IFIT1B: variants seen among roughly 807,000 people sequenced by gnomAD.
IFIT1B encodes protein IFIT1 homolog B.
Under a neutral mutation model 2.5 loss-of-function variants are expected in IFIT1B, and 3 were observed. That is an observed-to-expected ratio of 1.21 (90% confidence interval 0.55 to 3.14). IFIT1B has a LOEUF of 3.14. IFIT1B is among the 30% of genes most tolerant of loss of function. The probability of loss-of-function intolerance (pLI) is 0.03; values close to 1 mark genes in which losing one functional copy is unlikely to be tolerated. For missense variants in IFIT1B, 545 were observed against 556.5 expected (o/e 0.98, Z 0.21); for synonymous variants, 196 against 203.0 (o/e 0.97, Z 0.29).
rs917801790 is a variant in IFIT1B, at chr10:89,384,967, T to C, written c.*229T>C. ...GACATAAGACCCCCTGAAAGTATCA[T>C]CCCTCCTGATGGAATGGTAAAGCAA... On this transcript the variant is annotated 3_prime_UTR_variant, in exon 2 of 2. Coordinates refer to ENST00000371809, the MANE Select transcript of IFIT1B (RefSeq NM_001010987.2). 2.2e-5 allele frequency: 11 copies of C among 498,552 alleles called. No homozygotes were observed. Among genetic ancestry groups the C allele is most frequent in the Non-Finnish European group, 3.6e-5 (10 of 281,450 alleles). 30.9% of individuals were successfully genotyped at this position (498,552 alleles called of 1,614,324 possible). A position where few individuals can be genotyped will look rare whatever the true frequency, so the allele number is the denominator to read the frequency against.
intron 1 of IFIT1B, among the ~76,000 whole-genome samples, chr10:89,381,140 T>G (rs1193437491): frequency 1.3e-5 from 2 of 152,176 alleles, no homozygotes; most frequent in African/African-American, 2.4e-5. Flanking sequence ...ATGCTGAGAT[T>G]GGGTACATAT....
In IFIT1B at chr10:89,383,856, C is replaced by G. The variant is rs746271112; in HGVS notation, c.543C>G (p.Tyr181Ter). 4 of 1,614,052 alleles carry G rather than the reference C, an allele frequency of 2.5e-6. No homozygotes were observed. The highest frequency in any genetic ancestry group is 4.5e-5 in the East Asian group (2 of 44,900). Residue 181 changes from tyrosine (Y) to a stop codon, truncating the protein, a stop_gained, in exon 2 of 2, where the codon TAC (tyrosine) becomes TAG (stop). Coordinates refer to ENST00000371809, the MANE Select transcript of IFIT1B (RefSeq NM_001010987.2). LOFTEE classifies it low-confidence loss of function (END_TRUNC). ...AAAACCCTGAATTCAATACTGGGTA[C>G]GCAATCACCGTCTATCGCCTGGATA... is the stretch of plus-strand genomic sequence containing the variant. Reference protein sequence around the residue: ...NPENPEFNTGYAITVYRLDKF... With the variant: ...NPENPEFNTG
chr10:89,378,516 G>GA (rs1437945952), intron 1 of IFIT1B, among the ~76,000 whole-genome samples: 1 of 152,150 alleles, frequency 6.6e-6, no homozygotes, highest in Admixed American at 6.5e-5. Context: ...GGCCTTTGGT[G>GA]AAAAAATCAC....
intron 1 of IFIT1B, among the ~76,000 whole-genome samples, chr10:89,378,982 G>C (rs968935063): frequency 6.6e-6 from 1 of 152,230 alleles, no homozygotes; most frequent in Non-Finnish European, 1.5e-5. Flanking sequence ...CCGGGGACCA[G>C]TCAGGGCAAG....
Position 89,384,028 on chromosome 10 carries a change from T to G in IFIT1B, c.715T>G (p.Tyr239Asp). The change falls in exon 2 of 2, where the codon TAC becomes GAC. Residue 239 changes from tyrosine (Y) to aspartate (D), a missense_variant. Physicochemically the swap from Tyr to Asp is radical, Grantham distance 160 (BLOSUM62 -3). Transcript: ENST00000371809. ...AGGACAGGAAGCTGAAGGAGAAAAG[T>G]ACATTGAAGAAGCTCTGACCAGTAT... Reference protein sequence around the residue: ...DEGQEAEGEKYIEEALTSISS... With the variant: ...DEGQEAEGEKDIEEALTSISS... 6.2e-7 allele frequency: 1 copy of G among 1,614,208 alleles called. No homozygotes were observed. The highest frequency in any genetic ancestry group is 1.1e-5 in the South Asian group (1 of 91,088).
intron 1 of IFIT1B, among the ~76,000 whole-genome samples, chr10:89,379,738 TA>T (rs1261203534): frequency 6.6e-6 from 1 of 152,054 alleles, no homozygotes; most frequent in East Asian, 1.9e-4. Context: ...CTCCTGGTCA[TA>T]AGATGTTAGT....
Position 89,383,876 on chromosome 10 carries a change from T to C in IFIT1B, c.563T>C (p.Leu188Pro), listed in dbSNP as rs7072728. ...GGGTACGCAATCACCGTCTATCGCCTGGATAAATTTAACACAGCATCAGGG... is the reference window on the plus strand; with the variant it reads ...GGGTACGCAATCACCGTCTATCGCCCGGATAAATTTAACACAGCATCAGGG... ...NTGYAITVYR[L>P]DKFNTASGRN... Residue 188 changes from leucine (L) to proline (P), a missense_variant, in exon 2 of 2, where the codon CTG (leucine) becomes CCG (proline). By Grantham distance (98) the Leu-to-Pro change is moderately conservative. Coordinates refer to ENST00000371809, the MANE Select transcript of IFIT1B (RefSeq NM_001010987.2). 3,808 of 1,614,206 alleles carry C rather than the reference T, an allele frequency of 2.4e-3. 81 individuals carry two copies. In the African/African-American group the frequency reaches 0.046, roughly 19 times the overall value.
At chr10:89,382,075 C>A (rs304492) in intron 1 of IFIT1B, among the ~76,000 whole-genome samples, 26,308 of 151,982 alleles carry the variant, frequency 0.17, 2,961 homozygotes, top group East Asian at 0.45. Context: ...TGGCCGTGAA[C>A]TTTTTCTTTC....
chr10:89,378,060 C>T lies in IFIT1B; in HGVS notation c.-76C>T. On this transcript the variant is annotated 5_prime_UTR_variant, in exon 1 of 2. Transcript: ENST00000371809. The stretch of plus-strand genomic sequence containing the variant: ...CATGCTTATCTGAGAAGCCCTAGAA[C>T]TCTGTGGATGAACCTTGAAGGAGCC... 1 of 1,535,734 alleles carries T rather than the reference C, an allele frequency of 6.5e-7. No individual in the cohort carries two copies. The highest frequency in any genetic ancestry group is 9.0e-7 in the Non-Finnish European group (1 of 1,109,262).
At chr10:89,380,763 T>A (rs1844157083) in intron 1 of IFIT1B, among the ~76,000 whole-genome samples, 1 of 152,198 alleles carries the variant, frequency 6.6e-6, no homozygotes, top group Non-Finnish European at 1.5e-5. Context: ...ATACTACTAA[T>A]AACAGCACTT....
At chr10:89,378,860 T>C (rs577265820) in intron 1 of IFIT1B, among the ~76,000 whole-genome samples, 13 of 152,346 alleles carry the variant, frequency 8.5e-5, no homozygotes, top group Non-Finnish European at 1.8e-4. Flanking sequence ...AGCAATCTTA[T>C]TTCCAAAGAT....
At chr10:89,383,199 C>G (rs553915577) in intron 1 of IFIT1B, 120 bp from the exon 2 acceptor site, 1 of 855,626 alleles carries the variant, frequency 1.2e-6, no homozygotes, top group Non-Finnish European at 1.8e-6. Context: ...CAGAGGGGCA[C>G]CAGATAATGG....
intron 1 of IFIT1B, among the ~76,000 whole-genome samples, chr10:89,382,735 T>C (rs1418438469): frequency 6.6e-6 from 1 of 152,234 alleles, no homozygotes; most frequent in East Asian, 1.9e-4. Context: ...CCATTTAGGA[T>C]TGGTTGAGTA....
intron 1 of IFIT1B, among the ~76,000 whole-genome samples, chr10:89,382,721 C>T (rs1029275936): frequency 6.6e-6 from 1 of 152,182 alleles, no homozygotes; most frequent in Admixed American, 6.5e-5. Context: ...CACTTGGAAC[C>T]CCTCCATTTA....
chr10:89,383,533 A>C lies in IFIT1B; in HGVS notation c.220A>C (p.Ser74Arg). ...LKGQNEEALV[S>R]LKKAEDLIQK... ...AGGCCAGAATGAGGAAGCCCTGGTC[A>C]GCTTGAAAAAGGCTGAAGACTTAAT... The change falls in exon 2 of 2, where the codon AGC (serine) becomes CGC (arginine). Residue 74 changes from serine (S) to arginine (R), a missense_variant. Physicochemically the swap from Ser to Arg is moderately radical, Grantham distance 110. Coordinates refer to ENST00000371809, the MANE Select transcript of IFIT1B (RefSeq NM_001010987.2). 1 of 1,614,240 alleles carries C rather than the reference A, an allele frequency of 6.2e-7. No individual in the cohort carries two copies. Among genetic ancestry groups the C allele is most frequent in the Non-Finnish European group, 8.5e-7 (1 of 1,180,042 alleles).
Position 89,384,743 on chromosome 10 carries a change from G to C in IFIT1B, c.*5G>C. 1 of 1,590,284 alleles carries C rather than the reference G, an allele frequency of 6.3e-7. No individual in the cohort carries two copies. Among genetic ancestry groups the C allele is most frequent in the Non-Finnish European group, 8.6e-7 (1 of 1,166,372 alleles). ...GACCTGAACCCTATATTTTAACATA[G>C]AGGTCACCATTATCCATTTAATGGT... On this transcript the variant is annotated 3_prime_UTR_variant, in exon 2 of 2. Transcript: ENST00000371809.
chr10:89,383,138 T>G (rs1383821042), intron 1 of IFIT1B, among the ~76,000 whole-genome samples, 181 bp from the exon 2 acceptor site: 1 of 152,238 alleles, frequency 6.6e-6, no homozygotes, highest in Non-Finnish European at 1.5e-5. Flanking sequence ...GCATTTCCCC[T>G]TGGTTTTTAT....
At position 89,383,760 on chromosome 10, in the gene IFIT1B, G is replaced by C. The variant is rs757912496; in HGVS notation, c.447G>C (p.Leu149Phe). 1.3e-5 allele frequency: 21 copies of C among 1,614,074 alleles called. No homozygotes were observed. Among genetic ancestry groups the C allele is most frequent in the Non-Finnish European group, 1.7e-5 (20 of 1,180,040 alleles). Residue 149 changes from leucine (L) to phenylalanine (F), a missense_variant, in exon 2 of 2, where the codon TTG becomes TTC. Coordinates refer to ENST00000371809, the MANE Select transcript of IFIT1B (RefSeq NM_001010987.2). ...PEVDCEEGWALAKCGGKNYER... is the reference protein window; with the variant it reads ...PEVDCEEGWAFAKCGGKNYER... ...TGGACTGTGAGGAAGGATGGGCCTT[G>C]GCGAAGTGTGGTGGAAAGAATTATG...
Position 89,383,782 on chromosome 10 carries a change from T to C in IFIT1B, c.469T>C (p.Tyr157His), listed in dbSNP as rs746423448. 1.9e-6 allele frequency: 3 copies of C among 1,614,162 alleles called. No individual in the cohort carries two copies. The South Asian group carries it at 3.3e-5, about 18-fold the overall frequency. Residue 157 changes from tyrosine to histidine, a missense_variant, in exon 2 of 2, where the codon TAT becomes CAT. By Grantham distance (83) the Tyr-to-His change is moderately conservative. Coordinates refer to ENST00000371809, the MANE Select transcript of IFIT1B (RefSeq NM_001010987.2). Reference sequence around the variant, plus strand: ...CTTGGCGAAGTGTGGTGGAAAGAATTATGAACGGGCCAAGACCTGCTTTGA... The same window carrying C: ...CTTGGCGAAGTGTGGTGGAAAGAATCATGAACGGGCCAAGACCTGCTTTGA... ...WALAKCGGKN[Y>H]ERAKTCFEKA...
Sources: gnomAD v4.1 joint callset for allele counts (sites outside exome capture counted in the v4.1 genomes callset) on GRCh38, gnomAD v4.1.1 for gene constraint, MANE v1.5 for transcripts, NCBI Gene and HGNC (gene_info 2026-07-23, HGNC 2026-07-21) for gene names.